GALNT13: variants seen among roughly 807,000 people sequenced by gnomAD.
GALNT13 encodes the protein UDP-GalNAc:polypeptide N-acetylgalactosaminyltransferase 13.
Under a neutral mutation model 64.2 loss-of-function variants are expected in GALNT13, and 28 were observed. The ratio of observed to expected loss-of-function variants is 0.44; its 90% CI spans 0.32 to 0.60. The LOEUF is 0.60. Among genes scored for constraint, GALNT13 ranks in the 20% least tolerant of loss-of-function variants. The pLI is 0.05. For missense variants in GALNT13, 577 were observed against 669.8 expected (o/e 0.86, Z 1.53); for synonymous variants, 214 against 224.6 (o/e 0.95, Z 0.42).
the GALNT13 span, among the ~76,000 whole-genome samples, chr2:153,489,062 C>G: frequency 6.6e-6 from 1 of 152,092 alleles, no homozygotes; most frequent in South Asian, 2.1e-4. Context: ...TAAGTGGGAA[C>G]TAAATAGTGT....
At chr2:154,169,191 CCAACCTTGGAAATCAAATCT>C (rs1685215241) in intron 4 of GALNT13, among the ~76,000 whole-genome samples, 1 of 152,094 alleles carries the variant, frequency 6.6e-6, no homozygotes, top group South Asian at 2.1e-4. Context: ...AGGCCTACCT[CCAACCTTGGAAATCAAATCT>C]CAACATGAGT....
At chr2:154,039,403 G>A (rs1379450021) in intron 3 of GALNT13, among the ~76,000 whole-genome samples, 1 of 140,308 alleles carries the variant, frequency 7.1e-6, no homozygotes, top group African/African-American at 2.4e-5. Flanking sequence ...AATGTGGTAT[G>A]TATACACAAT....
chr2:153,282,071 C>T, the GALNT13 span, among the ~76,000 whole-genome samples: 4 of 151,674 alleles, frequency 2.6e-5, no homozygotes, highest in South Asian at 2.1e-4. Context: ...TTACATAATC[C>T]TATATTTCTC....
At chr2:153,879,091 CA>C (rs1332062844) in intron 1 of GALNT13, among the ~76,000 whole-genome samples, 1 of 152,180 alleles carries the variant, frequency 6.6e-6, no homozygotes, top group Non-Finnish European at 1.5e-5. Flanking sequence ...AGTGACATTT[CA>C]AGCAACTAAT....
the GALNT13 span, among the ~76,000 whole-genome samples, chr2:153,496,097 G>C: frequency 0.026 from 4,028 of 152,262 alleles, 154 homozygotes; most frequent in African/African-American, 0.09. Context: ...ACCAAAGAAG[G>C]AAGAGATGCA....
chr2:153,626,880 A>G, the GALNT13 span, among the ~76,000 whole-genome samples: 1 of 152,120 alleles, frequency 6.6e-6, no homozygotes, highest in Non-Finnish European at 1.5e-5. Context: ...AATTCAAAGA[A>G]TACTTCCTGG....
At chr2:154,372,756 T>A (rs1459304251) in intron 9 of GALNT13, among the ~76,000 whole-genome samples, 2 of 152,090 alleles carry the variant, frequency 1.3e-5, no homozygotes, top group Non-Finnish European at 2.9e-5. Context: ...TGTCTGTGAT[T>A]ATCACTTTTT....
At chr2:153,493,674 G>A in the GALNT13 span, among the ~76,000 whole-genome samples, 2 of 151,692 alleles carry the variant, frequency 1.3e-5, no homozygotes, top group Admixed American at 1.3e-4. Context: ...ACCTGACAAA[G>A]ATACTACAAA....
the GALNT13 span, among the ~76,000 whole-genome samples, chr2:153,243,967 C>A: frequency 2.0e-5 from 3 of 151,674 alleles, no homozygotes; most frequent in Admixed American, 6.5e-5. Flanking sequence ...TAGATTTATA[C>A]AATTTTATTA....
chr2:153,362,475 G>A, the GALNT13 span, among the ~76,000 whole-genome samples: 1 of 146,548 alleles, frequency 6.8e-6, no homozygotes, highest in Admixed American at 6.9e-5. Flanking sequence ...ACTATTTTCG[G>A]GAGACACATC....
At chr2:153,804,668 G>C in the GALNT13 span, among the ~76,000 whole-genome samples, 89 of 152,032 alleles carry the variant, frequency 5.9e-4, no homozygotes, top group African/African-American at 1.9e-3. Flanking sequence ...GAAGTTCAGA[G>C]TAAATAACAT....
intron 3 of GALNT13, among the ~76,000 whole-genome samples, chr2:154,011,073 A>AT (rs900144307): frequency 6.6e-6 from 1 of 150,940 alleles, no homozygotes; most frequent in Admixed American, 6.6e-5. Context: ...GACCTTTTGT[A>AT]TTTTTTTTCT....
At chr2:154,263,220 T>TTA (rs1690799924) in intron 8 of GALNT13, among the ~76,000 whole-genome samples, 1 of 152,198 alleles carries the variant, frequency 6.6e-6, no homozygotes, top group Non-Finnish European at 1.5e-5. Context: ...GCTCTGGCAC[T>TTA]TACCATCTGT....
the GALNT13 span, among the ~76,000 whole-genome samples, chr2:153,191,799 T>G: frequency 6.6e-6 from 1 of 152,022 alleles, no homozygotes; most frequent in Non-Finnish European, 1.5e-5. Flanking sequence ...GTAGGTTGTA[T>G]GTATTCAGAA....
chr2:153,394,954 C>T, the GALNT13 span, among the ~76,000 whole-genome samples: 182 of 152,120 alleles, frequency 1.2e-3, 1 homozygote, highest in African/African-American at 4.1e-3. Context: ...GGGAAAGATC[C>T]GATCCCAAGC....
intron 3 of GALNT13, among the ~76,000 whole-genome samples, chr2:153,986,096 C>A (rs1186324513): frequency 6.6e-6 from 1 of 151,964 alleles, no homozygotes; most frequent in Non-Finnish European, 1.5e-5. Flanking sequence ...CTGACTCTGG[C>A]AGTAAAAAGA....
chr2:153,527,060 A>G, the GALNT13 span, among the ~76,000 whole-genome samples: 1 of 152,160 alleles, frequency 6.6e-6, no homozygotes, highest in Non-Finnish European at 1.5e-5. Flanking sequence ...TAGCTTCAAA[A>G]TAGCAAATCT....
At chr2:153,402,179 A>T in the GALNT13 span, among the ~76,000 whole-genome samples, 1 of 146,408 alleles carries the variant, frequency 6.8e-6, no homozygotes, top group Non-Finnish European at 1.5e-5. Context: ...TTTGTCCTTC[A>T]CTTATGAAGC....
chr2:154,089,998 T>C (rs16836023), intron 3 of GALNT13, among the ~76,000 whole-genome samples: 27,753 of 151,898 alleles, frequency 0.18, 4,640 homozygotes, highest in East Asian at 0.74. Flanking sequence ...GGCCAGATAC[T>C]AAGAGGAAAA....
Sources: gnomAD v4.1 joint callset for allele counts (sites outside exome capture counted in the v4.1 genomes callset) on GRCh38, gnomAD v4.1.1 for gene constraint, MANE v1.5 for transcripts, NCBI Gene and HGNC (gene_info 2026-07-23, HGNC 2026-07-21) for gene names.